Variants in PPP2R2C observed in about 807,000 individuals in gnomAD.
PPP2R2C encodes protein phosphatase 2 regulatory subunit Bgamma, also known as protein phosphatase 2, regulatory subunit B, gamma.
A neutral mutation model predicts 45.3 loss-of-function variants in PPP2R2C; 10 were observed. That is an observed-to-expected ratio of 0.22 (90% CI 0.14 to 0.37). The LOEUF is 0.37. PPP2R2C is among the 10% of genes least tolerant of loss of function. PPP2R2C has a pLI of 1.00. For synonymous variants in PPP2R2C, 257 were observed against 245.4 expected (o/e 1.05, Z -0.44); for missense variants, 308 against 619.7 (o/e 0.50, Z 5.34).
chr4:6,413,514 G>A (rs13112391), intron 1 of PPP2R2C, among the ~76,000 whole-genome samples: 5,272 of 152,274 alleles, frequency 0.035, 194 homozygotes, highest in African/African-American at 0.09. Context: ...CATCTCAGCC[G>A]GTAATTAAAC....
intron 2 of PPP2R2C, among the ~76,000 whole-genome samples, chr4:6,477,982 A>G (rs1286572646): frequency 1.3e-5 from 2 of 151,850 alleles, no homozygotes; most frequent in Non-Finnish European, 2.9e-5. Context: ...AGATGTTTCC[A>G]GGCTCCCAGC....
rs569864532 is a variant in PPP2R2C at position 6,333,867 on chromosome 4, A to G, written c.791-136T>C. 4.3e-6 allele frequency: 4 copies of G among 928,534 alleles called. No homozygotes were observed. The East Asian group carries it at 9.9e-5, about 23-fold the overall frequency. The allele number at this position is 928,534 out of a possible 1,614,324, so 57.5% of individuals were successfully genotyped here. On this transcript the variant is annotated intron_variant, in intron 6 of 8. Transcript: ENST00000382599. Reference sequence around the variant, plus strand: ...TCATTCATTCCTCAAACCTAGAACTAAACACTTACCAGGGAACAAGCCTGG... The same window carrying G: ...TCATTCATTCCTCAAACCTAGAACTGAACACTTACCAGGGAACAAGCCTGG...
chr4:6,350,972 TCTTTC>T, intron 5 of PPP2R2C: 1 of 985,250 alleles, frequency 1.0e-6, no homozygotes, highest in Non-Finnish European at 1.2e-6. Context: ...ACCCAAACGC[TCTTTC>T]CTTTCCCACC....
intron 1 of PPP2R2C, among the ~76,000 whole-genome samples, chr4:6,437,878 T>C (rs1383865823): frequency 6.6e-6 from 1 of 152,238 alleles, no homozygotes; most frequent in Admixed American, 6.5e-5. Context: ...CATCGGCTGC[T>C]GTCTCATCAT....
At chr4:6,461,511 G>A (rs1257574024) in intron 1 of PPP2R2C, among the ~76,000 whole-genome samples, 1 of 152,192 alleles carries the variant, frequency 6.6e-6, no homozygotes, top group African/African-American at 2.4e-5. Context: ...AAGTGTTTAA[G>A]GAGGGAGTGC....
chr4:6,469,077 C>CAAAAA lies in PPP2R2C; in HGVS notation c.70+3078_70+3082dup, dbSNP rs142008829. On this transcript the variant is annotated intron_variant, in intron 1 of 8. Transcript: ENST00000382599. ...AGAGTAAGCCACCCAGCCCTGCCAC[C>CAAAAA]AAAAAAAAAAAAAAAAAAAAAAAAA... 5.9e-4 allele frequency among the ~76,000 whole-genome samples: 33 copies of CAAAAA among 56,190 alleles called. 1 individual carries two copies. The highest frequency in any genetic ancestry group is 2.2e-3 in the African/African-American group (31 of 14,400). 36.9% of individuals were successfully genotyped at this position (56,190 alleles called of 152,430 possible). A position where few individuals can be genotyped will look rare whatever the true frequency, so the allele number is the denominator to read the frequency against.
At position 6,530,507 on chromosome 4, in the gene PPP2R2C, T is replaced by C. The variant is rs572782421; in HGVS notation, c.49+4764A>G. On this transcript the variant is annotated intron_variant, in intron 2 of 9. Transcript: ENST00000506140. ...CTTGCTGCAAGTCCTACAATCCCCTTGTTAAGCCCTCCGTGGCTGTGGTCG... is the reference window on the plus strand; with the variant it reads ...CTTGCTGCAAGTCCTACAATCCCCTCGTTAAGCCCTCCGTGGCTGTGGTCG... Among the ~76,000 whole-genome samples, 298 of 152,018 alleles carry C rather than the reference T, an allele frequency of 2.0e-3. 1 individual carries two copies. The highest frequency in any genetic ancestry group is 5.6e-3 in the African/African-American group (234 of 41,514).
At position 6,555,015 on chromosome 4, in the gene PPP2R2C, G is replaced by T. The variant is rs56068971; in HGVS notation, c.-59+8545C>A. ...AAGAGAAGAGAAAAGAAAAGAAAAAGAAATTGCTCACAATTCTGGAGGCTG... is the reference window on the plus strand; with the variant it reads ...AAGAGAAGAGAAAAGAAAAGAAAAATAAATTGCTCACAATTCTGGAGGCTG... On this transcript the variant is annotated intron_variant, in intron 1 of 9. Coordinates refer to the PPP2R2C transcript ENST00000506140. Among the ~76,000 whole-genome samples, 100 of 147,534 alleles carry T rather than the reference G, an allele frequency of 6.8e-4. 1 individual carries two copies. The highest frequency in any genetic ancestry group is 2.1e-3 in the African/African-American group (88 of 41,118).
At chr4:6,526,684 G>C (rs1057182864) in intron 2 of PPP2R2C, among the ~76,000 whole-genome samples, 4 of 152,192 alleles carry the variant, frequency 2.6e-5, no homozygotes, top group Non-Finnish European at 5.9e-5. Context: ...AAAGGAGGGA[G>C]AGAATCCGGG....
intron 1 of PPP2R2C, among the ~76,000 whole-genome samples, chr4:6,410,822 G>C (rs939349487): frequency 1.3e-5 from 2 of 151,674 alleles, no homozygotes; most frequent in African/African-American, 4.8e-5. Context: ...CTATGGAGTA[G>C]GGACTACTAT....
At chr4:6,377,443 G>C (rs944224708) in intron 3 of PPP2R2C, among the ~76,000 whole-genome samples, 2 of 152,014 alleles carry the variant, frequency 1.3e-5, no homozygotes, top group Non-Finnish European at 2.9e-5. Flanking sequence ...ATCACCCGAG[G>C]TCAGGAGTTC....
rs1427134221 is a variant in PPP2R2C at position 6,386,173 on chromosome 4, A to T, written c.71-5079T>A. Among the ~76,000 whole-genome samples, 14 of 152,332 alleles carry T rather than the reference A, an allele frequency of 9.2e-5. No homozygotes were observed. In the East Asian group the frequency reaches 2.7e-3, roughly 29 times the overall value. ...GCATCGGAGGGTGAGGCCGCAGCAGATGCTGCAGGCGGTCAGCAATTGGGA... is the reference window on the plus strand; with the variant it reads ...GCATCGGAGGGTGAGGCCGCAGCAGTTGCTGCAGGCGGTCAGCAATTGGGA... On this transcript the variant is annotated intron_variant, in intron 1 of 8. Transcript: ENST00000382599.
intron 1 of PPP2R2C, among the ~76,000 whole-genome samples, chr4:6,537,845 C>T (rs985682286): frequency 1.5e-4 from 23 of 152,118 alleles, no homozygotes; most frequent in African/African-American, 4.1e-4. Flanking sequence ...CCACCACGCC[C>T]GGCCAAAGAT....
intron 6 of PPP2R2C, among the ~76,000 whole-genome samples, chr4:6,335,156 C>T (rs938974123): frequency 6.6e-6 from 1 of 152,172 alleles, no homozygotes; most frequent in Non-Finnish European, 1.5e-5. Flanking sequence ...ATGCAGTGAC[C>T]AGCATAAAGC....
chr4:6,373,900 CATGTGT>C (rs1290555130), intron 4 of PPP2R2C, among the ~76,000 whole-genome samples: 4 of 123,796 alleles, frequency 3.2e-5, no homozygotes, highest in African/African-American at 1.0e-4. Context: ...TATGTGCATG[CATGTGT>C]GTGTGTGTGT....
chr4:6,534,322 A>T (rs111066738), intron 2 of PPP2R2C, among the ~76,000 whole-genome samples: 2,007 of 150,476 alleles, frequency 0.013, 43 homozygotes, highest in African/African-American at 0.047. Flanking sequence ...CACACATCAA[A>T]AAACACACAT....
At position 6,472,244 on chromosome 4, in the gene PPP2R2C, G is replaced by A. The variant is rs1721939409; in HGVS notation, c.-15C>T. ...TCCTCGCCCATTGAAGGCCGTGCCC[G>A]GTGCTCTGGGCATGCCCCGCCGCCA... On this transcript the variant is annotated 5_prime_UTR_variant, in exon 1 of 9. Coordinates refer to ENST00000382599, the MANE Select transcript of PPP2R2C (RefSeq NM_020416.4). 1 of 1,612,230 alleles carries A rather than the reference G, an allele frequency of 6.2e-7. No individual in the cohort carries two copies. Among genetic ancestry groups the A allele is most frequent in the Non-Finnish European group, 8.5e-7 (1 of 1,178,946 alleles).
intron 1 of PPP2R2C, among the ~76,000 whole-genome samples, chr4:6,448,268 A>ACTGGGCACAGG (rs915549093): frequency 3.9e-5 from 6 of 152,120 alleles, no homozygotes; most frequent in African/African-American, 1.4e-4. Flanking sequence ...TGATGGGTAC[A>ACTGGGCACAGG]CTGGGCACAG....
chr4:6,508,640 CA>C (rs1284242910), intron 2 of PPP2R2C, among the ~76,000 whole-genome samples: 1 of 151,934 alleles, frequency 6.6e-6, no homozygotes, highest in Non-Finnish European at 1.5e-5. Flanking sequence ...TGATGACCAG[CA>C]GCTTCCTGAC....
Sources: allele counts gnomAD v4.1 joint callset (sites outside exome capture counted in the v4.1 genomes callset), GRCh38; gene constraint gnomAD v4.1.1; transcripts MANE v1.5; gene names NCBI Gene and HGNC (gene_info 2026-07-23, HGNC 2026-07-21).